NUDT3: variants seen among roughly 807,000 people sequenced by gnomAD.
The protein encoded by NUDT3 is nudix hydrolase 3, also known as diphosphoinositol polyphosphate phosphohydrolase 1.
NUDT3 carries 9 observed loss-of-function variants against 23.6 expected under a neutral mutation model. The observed-to-expected ratio is 0.38, with a 90% CI of 0.23 to 0.66. The LOEUF (loss-of-function observed/expected upper bound fraction) is 0.66, where lower values mean the gene tolerates loss of function less well. Ranked by LOEUF, NUDT3 falls within the 30% of genes least tolerant of loss-of-function variation. The probability of loss-of-function intolerance (pLI) is 0.52; values close to 1 mark genes in which losing one functional copy is unlikely to be tolerated. For missense variants in NUDT3, 172 were observed against 218.5 expected (o/e 0.79, Z 1.34); for synonymous variants, 86 against 82.6 (o/e 1.04, Z -0.22).
chr6:34,383,366 T>G (rs2113769494), intron 1 of NUDT3, among the ~76,000 whole-genome samples: 1 of 152,220 alleles, frequency 6.6e-6, no homozygotes, highest in Middle Eastern at 3.4e-3. Context: ...GAAGTCTATT[T>G]AAGGGATCAT....
intron 2 of NUDT3, among the ~76,000 whole-genome samples, chr6:34,308,107 G>GC (rs1763709863): frequency 1.1e-5 from 1 of 91,096 alleles, no homozygotes; most frequent in Non-Finnish European, 2.1e-5. Flanking sequence ...GAGACACAGA[G>GC]AAACTCTGTC....
intron 1 of NUDT3, among the ~76,000 whole-genome samples, chr6:34,347,469 A>G (rs557103502): frequency 4.6e-5 from 7 of 152,304 alleles, no homozygotes; most frequent in South Asian, 4.1e-4. Context: ...TCTTGGATTC[A>G]TGATATAGGT....
At chr6:34,369,671 AT>A (rs1764796903) in intron 1 of NUDT3, among the ~76,000 whole-genome samples, 1 of 152,252 alleles carries the variant, frequency 6.6e-6, no homozygotes, top group Non-Finnish European at 1.5e-5. Flanking sequence ...AAAAATCAAC[AT>A]ATTGATCTAA....
At position 34,295,624 on chromosome 6, in the gene NUDT3, G is replaced by A; in HGVS notation, c.255+17C>T. On this transcript the variant is annotated intron_variant, in intron 3 of 4. Transcript: ENST00000607016. ...ATTAATACATATCATTTGTACCAAA[G>A]ATTTTAACAGACTTACCTCAAAAAT... 6.2e-7 allele frequency: 1 copy of A among 1,612,764 alleles called. No homozygotes were observed. Among genetic ancestry groups the A allele is most frequent in the Non-Finnish European group, 8.5e-7 (1 of 1,179,414 alleles).
intron 1 of NUDT3, among the ~76,000 whole-genome samples, chr6:34,391,769 G>A (rs1165770676): frequency 8.0e-6 from 1 of 125,290 alleles, no homozygotes; most frequent in Non-Finnish European, 1.6e-5. Flanking sequence ...CCTCAGCTTT[G>A]GGCTCACAGA....
chr6:34,288,430 A>G lies in NUDT3; in HGVS notation c.*323T>C. 1 of 238,840 alleles carries G rather than the reference A, an allele frequency of 4.2e-6. No individual in the cohort carries two copies. Among genetic ancestry groups the G allele is most frequent in the Non-Finnish European group, 8.0e-6 (1 of 125,022 alleles). 14.8% of individuals were successfully genotyped at this position (238,840 alleles called of 1,614,324 possible). A position where few individuals can be genotyped will look rare whatever the true frequency, so the allele number is the denominator to read the frequency against. On this transcript the variant is annotated 3_prime_UTR_variant, in exon 5 of 5. Transcript: ENST00000607016. Reference sequence around the variant, plus strand: ...TCTGGCCAGGGCCAGGATAAGACAAACAGGAACACTTCAGAATCCAAGGCA... The same window carrying G: ...TCTGGCCAGGGCCAGGATAAGACAAGCAGGAACACTTCAGAATCCAAGGCA...
intron 1 of NUDT3, among the ~76,000 whole-genome samples, chr6:34,353,867 A>C (rs1764517169): frequency 6.7e-6 from 1 of 149,378 alleles, no homozygotes; most frequent in Admixed American, 6.7e-5. Context: ...ATACCCGGCT[A>C]ATACTTGTTT....
chr6:34,366,895 TAAAA>T (rs1317209686), intron 1 of NUDT3, among the ~76,000 whole-genome samples: 5 of 151,346 alleles, frequency 3.3e-5, no homozygotes, highest in Non-Finnish European at 7.4e-5. Context: ...TTACCACAAT[TAAAA>T]AAAAATTTTT....
chr6:34,322,420 G>A (rs910682013), intron 2 of NUDT3, among the ~76,000 whole-genome samples: 3 of 151,806 alleles, frequency 2.0e-5, no homozygotes, highest in East Asian at 1.9e-4. Context: ...TAGTAGAGAC[G>A]GGGTTTCACT....
intron 2 of NUDT3, among the ~76,000 whole-genome samples, chr6:34,302,178 C>T (rs965172689): frequency 3.3e-5 from 5 of 151,224 alleles, no homozygotes; most frequent in African/African-American, 7.3e-5. Context: ...ACTACAGGCA[C>T]GTGCCATCAC....
intron 1 of NUDT3, among the ~76,000 whole-genome samples, chr6:34,386,811 C>T (rs1200742288): frequency 6.6e-6 from 1 of 152,068 alleles, no homozygotes; most frequent in Non-Finnish European, 1.5e-5. Flanking sequence ...ACTGTGCTGC[C>T]GGTCATATAA....
At chr6:34,367,577 A>G (rs180780710) in intron 1 of NUDT3, among the ~76,000 whole-genome samples, 226 of 152,274 alleles carry the variant, frequency 1.5e-3, no homozygotes, top group Non-Finnish European at 1.5e-3. Context: ...AAGATTAAAC[A>G]TAAGTACCGT....
At chr6:34,309,323 GA>G (rs1195565622) in intron 2 of NUDT3, among the ~76,000 whole-genome samples, 1 of 152,040 alleles carries the variant, frequency 6.6e-6, no homozygotes, top group East Asian at 1.9e-4. Context: ...AATTAAAGCA[GA>G]AATCTCAAGA....
At chr6:34,311,257 T>C (rs1581858156) in intron 2 of NUDT3, among the ~76,000 whole-genome samples, 1 of 152,224 alleles carries the variant, frequency 6.6e-6, no homozygotes, top group East Asian at 1.9e-4. Flanking sequence ...AAGGGTAATG[T>C]ACAAAAGTCA....
chr6:34,289,127 C>T (rs1218551901), intron 4 of NUDT3, among the ~76,000 whole-genome samples, 196 bp from the exon 5 acceptor site: 1 of 152,058 alleles, frequency 6.6e-6, no homozygotes, highest in South Asian at 2.1e-4. Context: ...ACCTGAAAAC[C>T]AAAGAGCTAA....
intron 2 of NUDT3, among the ~76,000 whole-genome samples, chr6:34,299,856 T>C (rs918000984): frequency 2.0e-5 from 3 of 151,470 alleles, no homozygotes; most frequent in African/African-American, 7.3e-5. Flanking sequence ...TGAGCCAAGA[T>C]TGTGACACTG....
intron 2 of NUDT3, among the ~76,000 whole-genome samples, chr6:34,311,791 C>T (rs1015144553): frequency 1.3e-5 from 2 of 152,080 alleles, no homozygotes; most frequent in East Asian, 1.9e-4. Context: ...AAATCTTTGA[C>T]AAAGGAATAA....
intron 1 of NUDT3, among the ~76,000 whole-genome samples, chr6:34,351,216 A>AAAAAAAAAAAACAAAAAAAAAAAAAC (rs1561915130): frequency 7.6e-6 from 1 of 130,732 alleles, no homozygotes; most frequent in African/African-American, 3.4e-5. Context: ...AAAAAAAAAA[A>AAAAAAAAAAAACAAAAAAAAAAAAAC]AAAAAAAAAA....
At chr6:34,358,872 G>A (rs1281975254) in intron 1 of NUDT3, among the ~76,000 whole-genome samples, 1 of 152,102 alleles carries the variant, frequency 6.6e-6, no homozygotes. Flanking sequence ...TAACTATATA[G>A]GAGAAAATTA....
Sources: allele counts gnomAD v4.1 joint callset (sites outside exome capture counted in the v4.1 genomes callset), GRCh38; gene constraint gnomAD v4.1.1; transcripts MANE v1.5; gene names NCBI Gene and HGNC (gene_info 2026-07-23, HGNC 2026-07-21).